RNF150: variants seen among roughly 807,000 people sequenced by gnomAD.
RNF150 encodes the protein ring finger protein 150.
In RNF150, 24 loss-of-function variants were observed where a neutral mutation model predicts 39.3. The observed-to-expected ratio is 0.61, with a 90% CI of 0.44 to 0.86. The LOEUF (loss-of-function observed/expected upper bound fraction) is 0.86. RNF150 is among the 40% of genes least tolerant of loss of function. The pLI is 0.00. For synonymous variants in RNF150, 255 were observed against 227.3 expected, an observed-to-expected ratio of 1.12 and a Z score of -1.10; for missense variants, 502 against 587.8, an observed-to-expected ratio of 0.85 and a Z score of 1.51.
At chr4:140,944,152 G>T (rs1383009427) in intron 4 of RNF150, among the ~76,000 whole-genome samples, 1 of 152,208 alleles carries the variant, frequency 6.6e-6, no homozygotes, top group Non-Finnish European at 1.5e-5. Context: ...TACTCTCCGT[G>T]CAAGAGAAGA....
At chr4:140,877,479 C>T (rs1216788773) in intron 6 of RNF150, among the ~76,000 whole-genome samples, 1 of 152,180 alleles carries the variant, frequency 6.6e-6, no homozygotes, top group Non-Finnish European at 1.5e-5. Flanking sequence ...AGGCAGAGTT[C>T]ATACATATTT....
At chr4:140,923,934 A>C (rs181291928) in intron 5 of RNF150, among the ~76,000 whole-genome samples, 3 of 151,902 alleles carry the variant, frequency 2.0e-5, no homozygotes. Context: ...GAACACATGG[A>C]CACAGGAAGG....
intron 1 of RNF150, among the ~76,000 whole-genome samples, chr4:141,067,702 C>T (rs1737516979): frequency 6.6e-6 from 1 of 152,114 alleles, no homozygotes. Flanking sequence ...AAGGATATGA[C>T]TATAAATTAC....
intron 1 of RNF150, among the ~76,000 whole-genome samples, chr4:141,068,493 G>A (rs1365815358): frequency 6.6e-6 from 1 of 152,134 alleles, no homozygotes; most frequent in Non-Finnish European, 1.5e-5. Context: ...CAGGTAGTGT[G>A]ATGCCTCCAG....
At chr4:141,066,648 A>C (rs953352919) in intron 1 of RNF150, among the ~76,000 whole-genome samples, 1 of 152,212 alleles carries the variant, frequency 6.6e-6, no homozygotes, top group East Asian at 1.9e-4. Context: ...ATTTTTTTGC[A>C]AAGCATATTT....
At chr4:141,061,261 C>T (rs1183017162) in intron 1 of RNF150, among the ~76,000 whole-genome samples, 1 of 152,086 alleles carries the variant, frequency 6.6e-6, no homozygotes, top group Non-Finnish European at 1.5e-5. Context: ...AGATACTAGC[C>T]TAAATTTTCA....
chr4:141,027,858 T>C (rs1321603997), intron 1 of RNF150, among the ~76,000 whole-genome samples: 2 of 150,026 alleles, frequency 1.3e-5, no homozygotes, highest in Non-Finnish European at 3.0e-5. Flanking sequence ...ATTTTCAATC[T>C]TTCCTGCACT....
rs550125927 is a variant in RNF150 at position 140,958,734 on chromosome 4, C to G, written c.735+8889G>C. ...TGAGTTGAGAGGTGTCCAGGCTACA[C>G]GGTGTAGAAGTCCACACACTGGTGG... On this transcript the variant is annotated intron_variant, in intron 2 of 6. Transcript: ENST00000515673. Among the ~76,000 whole-genome samples, 4 of 152,130 alleles carry G rather than the reference C, an allele frequency of 2.6e-5. No homozygotes were observed. The South Asian group carries it at 8.3e-4, about 32-fold the overall frequency.
chr4:141,038,146 G>C (rs1736215194), intron 1 of RNF150, among the ~76,000 whole-genome samples: 1 of 152,160 alleles, frequency 6.6e-6, no homozygotes, highest in African/African-American at 2.4e-5. Context: ...AAGGGCTCCA[G>C]GTGGAGAGAA....
Position 141,016,466 on chromosome 4 carries a change from C to A in RNF150, c.485-48593G>T, listed in dbSNP as rs1221838893. 1.1e-4 allele frequency among the ~76,000 whole-genome samples: 4 copies of A among 37,076 alleles called. No homozygotes were observed. The Admixed American group carries it at 2.0e-3, about 19-fold the overall frequency. The allele number at this position is 37,076 out of a possible 152,430, so 24.3% of individuals were successfully genotyped here. A position where few individuals can be genotyped will look rare whatever the true frequency, so the allele number is the denominator to read the frequency against. On this transcript the variant is annotated intron_variant, in intron 1 of 6. Transcript: ENST00000515673. ...AAGCAGGTATAAATATGACTGCAGA[C>A]CTGTTCCTGAGCTGCTGCTCTCAGC... is the stretch of plus-strand genomic sequence containing the variant.
intron 1 of RNF150, among the ~76,000 whole-genome samples, chr4:141,054,000 T>A (rs980780479): frequency 1.3e-5 from 2 of 152,132 alleles, no homozygotes; most frequent in Non-Finnish European, 2.9e-5. Flanking sequence ...TGTAAAAAAA[T>A]CACATAATAA....
chr4:140,949,502 G>C (rs781396742), intron 2 of RNF150, 130 bp from the exon 3 acceptor site: 2 of 702,088 alleles, frequency 2.8e-6, no homozygotes, highest in Admixed American at 4.6e-5. Context: ...TAGCAATGAC[G>C]ACTAGAAAAG....
At chr4:141,157,531 T>G (rs1457717909) in intron 1 of RNF150, among the ~76,000 whole-genome samples, 3 of 152,206 alleles carry the variant, frequency 2.0e-5, no homozygotes, top group African/African-American at 7.2e-5. Context: ...TTAGCCAGAC[T>G]AGGGAAACTT....
chr4:141,188,432 T>G (rs192835369), intron 1 of RNF150, among the ~76,000 whole-genome samples: 138 of 152,344 alleles, frequency 9.1e-4, no homozygotes, highest in African/African-American at 3.2e-3. Flanking sequence ...GATAATATCC[T>G]GAAGTGTGTT....
chr4:141,062,787 G>A (rs186176758), intron 1 of RNF150, among the ~76,000 whole-genome samples: 2 of 152,232 alleles, frequency 1.3e-5, no homozygotes, highest in African/African-American at 4.8e-5. Flanking sequence ...CAGGCAATGA[G>A]CACCGTACCC....
intron 1 of RNF150, among the ~76,000 whole-genome samples, chr4:141,178,509 A>G (rs981861716): frequency 6.6e-6 from 1 of 152,210 alleles, no homozygotes; most frequent in Non-Finnish European, 1.5e-5. Context: ...GTTGAGAAGA[A>G]CAATTTTTGA....
chr4:141,081,013 T>C (rs1391328072), intron 1 of RNF150, among the ~76,000 whole-genome samples: 2 of 152,194 alleles, frequency 1.3e-5, no homozygotes, highest in African/African-American at 2.4e-5. Flanking sequence ...GTTGTCACCA[T>C]TGCAGAGCAG....
intron 2 of RNF150, among the ~76,000 whole-genome samples, chr4:140,961,667 C>T (rs754563220): frequency 6.6e-6 from 1 of 152,080 alleles, no homozygotes; most frequent in Non-Finnish European, 1.5e-5. Flanking sequence ...TTCCATCCAT[C>T]AAAGGGCTAA....
intron 1 of RNF150, among the ~76,000 whole-genome samples, chr4:141,067,902 C>T (rs1378990309): frequency 6.6e-6 from 1 of 150,936 alleles, no homozygotes; most frequent in Non-Finnish European, 1.5e-5. Context: ...CTATTGAAAA[C>T]AAATCATGTA....
Sources: gnomAD v4.1 joint callset for allele counts (sites outside exome capture counted in the v4.1 genomes callset) on GRCh38, gnomAD v4.1.1 for gene constraint, MANE v1.5 for transcripts, NCBI Gene and HGNC (gene_info 2026-07-23, HGNC 2026-07-21) for gene names.